Variants in MFSD6 observed in about 807,000 individuals in gnomAD.
MFSD6 encodes major facilitator superfamily domain containing 6, also known as major facilitator superfamily domain-containing protein 6.
A neutral mutation model predicts 56.3 loss-of-function variants in MFSD6; 26 were observed. That is an observed-to-expected ratio of 0.46 (90% CI 0.34 to 0.64). The LOEUF is 0.64. Among genes scored for constraint, MFSD6 ranks in the 30% least tolerant of loss-of-function variants. The pLI, the probability that MFSD6 is intolerant of heterozygous loss-of-function variation, is 0.01. For synonymous variants in MFSD6, 331 were observed against 366.9 expected (o/e 0.90, Z 1.12); for missense variants, 750 against 986.2 (o/e 0.76, Z 3.21).
rs545067117 is a variant in MFSD6, at chr2:190,495,162, C to T, written c.1892-2277C>T. 5.3e-5 allele frequency among the ~76,000 whole-genome samples: 8 copies of T among 152,084 alleles called. No homozygotes were observed. In the South Asian group the frequency reaches 1.7e-3, roughly 32 times the overall value. ...ATGAATTCAGCAAAGTTTCAGGATA[C>T]AAAATTAATGTACACAAATCAGTAG... On this transcript the variant is annotated intron_variant, in intron 6 of 7. Coordinates refer to ENST00000392328, the MANE Select transcript of MFSD6 (RefSeq NM_017694.4). This position sits in a 1 kb window ranked among gnomAD's most constrained non-coding sequence, Gnocchi z 4.7.
rs193234532 is a variant in MFSD6, at chr2:190,495,009, A to T, written c.1892-2430A>T. Among the ~76,000 whole-genome samples the T allele has an allele frequency of 6.6e-6, 1 of 152,300 alleles. No individual in the cohort carries two copies. The highest frequency in any genetic ancestry group is 2.4e-5 in the African/African-American group (1 of 41,580). On this transcript the variant is annotated intron_variant, in intron 6 of 7. Transcript: ENST00000392328. This position sits in a 1 kb window ranked among gnomAD's most constrained non-coding sequence, Gnocchi z 4.7. Reference sequence around the variant, plus strand: ...TGGAAGTCCTAGCCAGAGCAGTCAGACAAGAGAAGGAAATAAAGGGCATCC... The same window carrying T: ...TGGAAGTCCTAGCCAGAGCAGTCAGTCAAGAGAAGGAAATAAAGGGCATCC...
chr2:190,448,624 A>T (rs923865234), intron 3 of MFSD6, among the ~76,000 whole-genome samples: 5 of 152,232 alleles, frequency 3.3e-5, no homozygotes, highest in African/African-American at 1.2e-4. Flanking sequence ...AAAGTTTAGC[A>T]TATTTTTATG....
rs6738672 is a variant in MFSD6, at chr2:190,491,994, C to T, written c.1891+2128C>T. Among the ~76,000 whole-genome samples the T allele has an allele frequency of 0.014, 2,069 of 152,262 alleles. 53 individuals are homozygous for T. The highest frequency in any genetic ancestry group is 0.047 in the African/African-American group (1,933 of 41,536). ...TTACAACTTCAGGAAATAAAGGACA[C>T]ACTTACAGAAATGCAAAATGTTCTG... On this transcript the variant is annotated intron_variant, in intron 6 of 7. Transcript: ENST00000392328. The surrounding 1 kb of genome is among the most constrained non-coding windows in gnomAD (Gnocchi z 4.2).
chr2:190,445,813 G>A (rs1465544412), intron 3 of MFSD6, among the ~76,000 whole-genome samples: 2 of 151,920 alleles, frequency 1.3e-5, no homozygotes, highest in South Asian at 2.1e-4. Flanking sequence ...GTGGTAATAT[G>A]GAAAGAATAA....
At chr2:190,475,949 C>T (rs796419886) in intron 4 of MFSD6, among the ~76,000 whole-genome samples, 2 of 151,572 alleles carry the variant, frequency 1.3e-5, no homozygotes, top group East Asian at 3.9e-4. Flanking sequence ...CTGACAAAAA[C>T]AAGAAATAGG....
intron 2 of MFSD6, among the ~76,000 whole-genome samples, chr2:190,419,243 G>A (rs935438297): frequency 1.4e-4 from 21 of 152,018 alleles, no homozygotes; most frequent in African/African-American, 4.4e-4. Context: ...GTTTGAGTGC[G>A]GTGTGTGAAT....
chr2:190,500,285 C>T lies in MFSD6; in HGVS notation c.*67C>T. On this transcript the variant is annotated 3_prime_UTR_variant, in exon 8 of 8. Transcript: ENST00000392328. The surrounding 1 kb of genome is among the most constrained non-coding windows in gnomAD (Gnocchi z 5.3). Reference sequence around the variant, plus strand: ...CTCAGCCAGGACACAGGGTGAGGCCCCCCAGCCAGGATATGCCTCCCCTGG... The same window carrying T: ...CTCAGCCAGGACACAGGGTGAGGCCTCCCAGCCAGGATATGCCTCCCCTGG... The T allele has an allele frequency of 6.4e-7, 1 of 1,562,172 alleles. No individual in the cohort carries two copies. Among genetic ancestry groups the T allele is most frequent in the South Asian group, 1.1e-5 (1 of 88,456 alleles).
intron 2 of MFSD6, among the ~76,000 whole-genome samples, chr2:190,428,885 C>A (rs2125023709): frequency 6.6e-6 from 1 of 152,094 alleles, no homozygotes; most frequent in South Asian, 2.1e-4. Context: ...ATTGGCCAGG[C>A]TGGTCTTAAA....
Position 190,489,681 on chromosome 2 carries a change from C to T in MFSD6, c.1793-87C>T, listed in dbSNP as rs1186823661. 3.9e-6 allele frequency: 5 copies of T among 1,271,766 alleles called. No homozygotes were observed. In the East Asian group the frequency reaches 1.2e-4, roughly 31 times the overall value. 78.8% of individuals were successfully genotyped at this position (1,271,766 alleles called of 1,614,324 possible). A position where few individuals can be genotyped will look rare whatever the true frequency, so the allele number is the denominator to read the frequency against. ...TTTGTCTCAAGCTGTGCTTCCTTTG[C>T]TTTGATCTTTAGAAAACTGATGGTT... On this transcript the variant is annotated intron_variant, in intron 5 of 7. Transcript: ENST00000392328. This position sits in a 1 kb window ranked among gnomAD's most constrained non-coding sequence, Gnocchi z 6.6.
In MFSD6 at chr2:190,495,129, A is replaced by AC. The variant is rs1409963753; in HGVS notation, c.1892-2309dup. Among the ~76,000 whole-genome samples the AC allele has an allele frequency of 6.6e-6, 1 of 152,134 alleles. No homozygotes were observed. Among genetic ancestry groups the AC allele is most frequent in the East Asian group, 1.9e-4 (1 of 5,196 alleles). On this transcript the variant is annotated intron_variant, in intron 6 of 7. Transcript: ENST00000392328. The surrounding 1 kb of genome is among the most constrained non-coding windows in gnomAD (Gnocchi z 4.7). ...AAGACTCCTCCTAAAAGCTCTTAGA[A>AC]CTGATAAATGAATTCAGCAAAGTTT...
In MFSD6 at chr2:190,437,341, T is replaced by C. The variant is rs1221454281; in HGVS notation, c.1312T>C (p.Leu438=). The change falls in exon 3 of 8, where the codon TTA becomes CTA. Residue 438 remains leucine, a synonymous_variant. Coordinates refer to ENST00000392328, the MANE Select transcript of MFSD6 (RefSeq NM_017694.4). The surrounding 1 kb of genome is among the most constrained non-coding windows in gnomAD (Gnocchi z 5.9). The part of the protein sequence containing the change: ...SHSQAFNFWD[L]IKLLCSVQYG... ...CTCGCAGGCCTTCAACTTTTGGGAC[T>C]TAATCAAGCTGCTCTGCAGCGTGCA... The C allele has an allele frequency of 1.2e-6, 2 of 1,614,150 alleles. No individual in the cohort carries two copies. Among genetic ancestry groups the C allele is most frequent in the Admixed American group, 1.7e-5 (1 of 60,008 alleles).
rs1449093560 is a variant in MFSD6 at position 190,489,534 on chromosome 2, A to G, written c.1793-234A>G. Among the ~76,000 whole-genome samples, 2 of 152,252 alleles carry G rather than the reference A, an allele frequency of 1.3e-5. No homozygotes were observed. Among genetic ancestry groups the G allele is most frequent in the South Asian group, 2.1e-4 (1 of 4,836 alleles). On this transcript the variant is annotated intron_variant, in intron 5 of 7. Transcript: ENST00000392328. This position sits in a 1 kb window ranked among gnomAD's most constrained non-coding sequence, Gnocchi z 6.6. ...GTGAAAGGCACTGAGAGATAATCCT[A>G]TATAAATGCAGTTTTATAATCGATC...
intron 2 of MFSD6, among the ~76,000 whole-genome samples, chr2:190,421,632 A>C (rs1685618164): frequency 6.6e-6 from 1 of 152,092 alleles, no homozygotes; most frequent in Non-Finnish European, 1.5e-5. Flanking sequence ...ACCCAGGCTG[A>C]GTGCAGTGGT....
rs1686936065 is a variant in MFSD6 at position 190,454,932 on chromosome 2, G to GTA, written c.1533-14824_1533-14823dup. Among the ~76,000 whole-genome samples the GTA allele has an allele frequency of 1.5e-5, 2 of 132,848 alleles. No homozygotes were observed. Among genetic ancestry groups the GTA allele is most frequent in the Non-Finnish European group, 3.1e-5 (2 of 64,176 alleles). The allele number at this position is 132,848 out of a possible 152,430, so 87.2% of individuals were successfully genotyped here. On this transcript the variant is annotated intron_variant, in intron 3 of 7. Transcript: ENST00000392328. This position sits in a 1 kb window ranked among gnomAD's most constrained non-coding sequence, Gnocchi z 4.6. ...GTATGTATATGTGTTCCTGGTTTCT[G>GTA]TATGTATATGTATATGTATATGTAT...
In MFSD6 at chr2:190,447,585, C is replaced by T. The variant is rs556751347; in HGVS notation, c.1532+10024C>T. Among the ~76,000 whole-genome samples, 57 of 152,268 alleles carry T rather than the reference C, an allele frequency of 3.7e-4. No homozygotes were observed. The highest frequency in any genetic ancestry group is 6.8e-4 in the Non-Finnish European group (46 of 68,016). On this transcript the variant is annotated intron_variant, in intron 3 of 7. Transcript: ENST00000392328. This position sits in a 1 kb window ranked among gnomAD's most constrained non-coding sequence, Gnocchi z 4.5. ...ATTGCTTATATACTTCTTAGTGCCA[C>T]GTTTTAGGCATTATAAGCTACTATC...
intron 4 of MFSD6, among the ~76,000 whole-genome samples, chr2:190,486,179 C>CAATAGTTAGTTTTT: frequency 6.6e-6 from 1 of 152,328 alleles, no homozygotes; most frequent in Non-Finnish European, 1.5e-5. Context: ...AACAAAAGAC[C>CAATAGTTAGTTTTT]TTGTTGAGTA....
rs986614948 is a variant in MFSD6 at position 190,500,412 on chromosome 2, C to T, written c.*194C>T. 1.9e-5 allele frequency: 12 copies of T among 617,588 alleles called. No individual in the cohort carries two copies. The highest frequency in any genetic ancestry group is 4.4e-4 in the Middle Eastern group (1 of 2,264). 38.3% of individuals were successfully genotyped at this position (617,588 alleles called of 1,614,324 possible). On this transcript the variant is annotated 3_prime_UTR_variant, in exon 8 of 8. Coordinates refer to ENST00000392328, the MANE Select transcript of MFSD6 (RefSeq NM_017694.4). The surrounding 1 kb of genome is among the most constrained non-coding windows in gnomAD (Gnocchi z 5.3). The stretch of plus-strand genomic sequence containing the variant: ...ATATTGGCAGGAAAAGGTAAACTTT[C>T]GTAATCTCATTGGAATTACAACAGG...
At chr2:190,479,300 A>G (rs1434270885) in intron 4 of MFSD6, among the ~76,000 whole-genome samples, 1 of 152,208 alleles carries the variant, frequency 6.6e-6, no homozygotes, top group African/African-American at 2.4e-5. Context: ...TTTGCAGCAA[A>G]CATGTTATTC....
intron 4 of MFSD6, among the ~76,000 whole-genome samples, chr2:190,481,540 T>C (rs1001664127): frequency 6.6e-6 from 1 of 152,214 alleles, no homozygotes; most frequent in African/African-American, 2.4e-5. Context: ...GTGCTGGATA[T>C]GTCTGTTCTC....
Sources: gnomAD v4.1 joint callset for allele counts (sites outside exome capture counted in the v4.1 genomes callset) on GRCh38, gnomAD v4.1.1 for gene constraint, Gnocchi (gnomAD v3.1) non-coding constraint, MANE v1.5 for transcripts, NCBI Gene and HGNC (gene_info 2026-07-23, HGNC 2026-07-21) for gene names.